CAMK2B: variants seen among roughly 807,000 people sequenced by gnomAD.
CAMK2B encodes calcium/calmodulin dependent protein kinase II beta, also known as calcium/calmodulin-dependent protein kinase type II subunit beta.
A neutral mutation model predicts 93.7 loss-of-function variants in CAMK2B; 27 were observed. The ratio of observed to expected loss-of-function variants is 0.29; its 90% CI spans 0.21 to 0.40. The LOEUF is 0.40. CAMK2B is among the 10% of genes least tolerant of loss of function. The pLI, the probability that CAMK2B is intolerant of heterozygous loss-of-function variation, is 1.00. For synonymous variants in CAMK2B, 374 were observed against 358.8 expected, an observed-to-expected ratio of 1.04 and a Z score of -0.48; for missense variants, 568 against 895.8, an observed-to-expected ratio of 0.63 and a Z score of 4.67.
At chr7:44,264,346 G>A (rs1316049396) in intron 2 of CAMK2B, among the ~76,000 whole-genome samples, 1 of 152,208 alleles carries the variant, frequency 6.6e-6, no homozygotes, top group Non-Finnish European at 1.5e-5. Flanking sequence ...CCCTGGAGCA[G>A]GTGTGGTGGT....
chr7:44,321,348 C>A (rs190961631), intron 1 of CAMK2B, among the ~76,000 whole-genome samples: 2 of 152,242 alleles, frequency 1.3e-5, no homozygotes, highest in African/African-American at 2.4e-5. Flanking sequence ...CGCTTGCTGG[C>A]GACTGGGGTA....
chr7:44,309,215 A>T (rs1011673727), intron 1 of CAMK2B, among the ~76,000 whole-genome samples: 7 of 152,192 alleles, frequency 4.6e-5, no homozygotes. Flanking sequence ...TCCTCCCTGC[A>T]GGGGGCTGGG....
At chr7:44,251,110 A>G (rs533163828) in intron 5 of CAMK2B, among the ~76,000 whole-genome samples, 1 of 152,306 alleles carries the variant, frequency 6.6e-6, no homozygotes, top group Admixed American at 6.5e-5. Context: ...CAGGCAGGGC[A>G]TTAGTACACT....
intron 2 of CAMK2B, among the ~76,000 whole-genome samples, chr7:44,280,466 T>C (rs189840566): frequency 2.0e-4 from 31 of 152,090 alleles, no homozygotes; most frequent in Non-Finnish European, 3.7e-4. Flanking sequence ...AGGCCCCTGA[T>C]AAGGAAGGGC....
intron 5 of CAMK2B, among the ~76,000 whole-genome samples, chr7:44,251,755 T>G (rs6969944): frequency 0.29 from 44,854 of 152,048 alleles, 7,701 homozygotes; most frequent in Non-Finnish European, 0.39. Flanking sequence ...ACACCAGGGG[T>G]GCCCTCCGCA....
In CAMK2B at chr7:44,234,631, A is replaced by G. The variant is rs1405617691; in HGVS notation, c.1059+8T>C. On this transcript the variant is annotated splice_region_variant and intron_variant, in intron 14 of 23. Coordinates refer to ENST00000395749, the MANE Select transcript of CAMK2B (RefSeq NM_001220.5). Reference sequence around the variant, plus strand: ...CCCCGGCACCACAGGGCCCGGCTGGAGCCTCACCTTGACTCCATCTGCTTT... The same window carrying G: ...CCCCGGCACCACAGGGCCCGGCTGGGGCCTCACCTTGACTCCATCTGCTTT... The G allele has an allele frequency of 6.2e-7, 1 of 1,613,982 alleles. No individual in the cohort carries two copies. Among genetic ancestry groups the G allele is most frequent in the East Asian group, 2.2e-5 (1 of 44,880 alleles).
chr7:44,287,494 G>A (rs1015658134), intron 1 of CAMK2B, among the ~76,000 whole-genome samples: 11 of 152,122 alleles, frequency 7.2e-5, no homozygotes, highest in African/African-American at 1.7e-4. Context: ...CTTGCCAGAC[G>A]GCAATCTGTC....
chr7:44,286,098 C>T lies in CAMK2B; in HGVS notation c.66-1873G>A, dbSNP rs111626259. ...TGGTCTGGCTTCAATCCTGGTTAGA[C>T]GGGGTGACACAGCTCTCTGAGCCTC... is the stretch of plus-strand genomic sequence containing the variant. On this transcript the variant is annotated intron_variant, in intron 1 of 23. Transcript: ENST00000395749. The surrounding 1 kb of genome is among the most constrained non-coding windows in gnomAD (Gnocchi z 4.0). Among the ~76,000 whole-genome samples, 7 of 152,106 alleles carry T rather than the reference C, an allele frequency of 4.6e-5. No homozygotes were observed. Among genetic ancestry groups the T allele is most frequent in the African/African-American group, 1.2e-4 (5 of 41,408 alleles).
At chr7:44,303,351 G>A (rs2129183806) in intron 1 of CAMK2B, among the ~76,000 whole-genome samples, 1 of 152,252 alleles carries the variant, frequency 6.6e-6, no homozygotes, top group African/African-American at 2.4e-5. Flanking sequence ...CACATTCAAT[G>A]CACTCACAAT....
At chr7:44,320,777 C>T (rs1795873073) in intron 1 of CAMK2B, among the ~76,000 whole-genome samples, 1 of 152,244 alleles carries the variant, frequency 6.6e-6, no homozygotes, top group Non-Finnish European at 1.5e-5. Context: ...TCTTGCTGGC[C>T]TCCTGGGAGC....
In CAMK2B at chr7:44,239,018, G is replaced by A. The variant is rs143407462; in HGVS notation, c.1021+571C>T. On this transcript the variant is annotated intron_variant, in intron 13 of 23. Transcript: ENST00000395749. ...GAGGCCAGGGGAGGAGGACTTTGCA[G>A]AAACAACCCAAGAGGAAGCCTTGAA... is the stretch of plus-strand genomic sequence containing the variant. Among the ~76,000 whole-genome samples, 448 of 152,336 alleles carry A rather than the reference G, an allele frequency of 2.9e-3. 2 individuals are homozygous for A. The highest frequency in any genetic ancestry group is 0.01 in the African/African-American group (430 of 41,588).
intron 2 of CAMK2B, among the ~76,000 whole-genome samples, chr7:44,269,963 T>C (rs535702164): frequency 2.0e-4 from 30 of 152,232 alleles, no homozygotes; most frequent in African/African-American, 6.7e-4. Flanking sequence ...GGGCCTCATC[T>C]GGAAGATGGC....
At chr7:44,233,764 C>G (rs1248999062) in intron 15 of CAMK2B, among the ~76,000 whole-genome samples, 1 of 152,190 alleles carries the variant, frequency 6.6e-6, no homozygotes, top group African/African-American at 2.4e-5. Flanking sequence ...CCTCCCCTCC[C>G]CGGCAGGGAG....
At chr7:44,220,759 G>T (rs747198368) in intron 21 of CAMK2B, 49 bp from the exon 22 acceptor site, 1 of 1,572,068 alleles carries the variant, frequency 6.4e-7, no homozygotes. Context: ...CCCTGACTCT[G>T]AGCAGGCCCC....
Position 44,307,257 on chromosome 7 carries a change from G to A in CAMK2B, c.65+18100C>T, listed in dbSNP as rs530899066. On this transcript the variant is annotated intron_variant, in intron 1 of 23. Transcript: ENST00000395749. Reference sequence around the variant, plus strand: ...AGGAGGGTGTGAGCAGAGGGAAGAGGGTGTGAGCAAGGGGAGGAGGGTGTG... The same window carrying A: ...AGGAGGGTGTGAGCAGAGGGAAGAGAGTGTGAGCAAGGGGAGGAGGGTGTG... Among the ~76,000 whole-genome samples, 9 of 143,796 alleles carry A rather than the reference G, an allele frequency of 6.3e-5. No individual in the cohort carries two copies. In the South Asian group the frequency reaches 2.1e-3, roughly 34 times the overall value. The allele number at this position is 143,796 out of a possible 152,430, so 94.3% of individuals were successfully genotyped here. A position where few individuals can be genotyped will look rare whatever the true frequency, so the allele number is the denominator to read the frequency against.
chr7:44,287,031 G>C (rs192541442), intron 1 of CAMK2B, among the ~76,000 whole-genome samples: 1 of 152,136 alleles, frequency 6.6e-6, no homozygotes, highest in Non-Finnish European at 1.5e-5. Flanking sequence ...CCTGCAGGTA[G>C]GGTGGAGGGC....
At chr7:44,255,615 C>T (rs1382001773) in intron 4 of CAMK2B, among the ~76,000 whole-genome samples, 1 of 152,210 alleles carries the variant, frequency 6.6e-6, no homozygotes, top group Non-Finnish European at 1.5e-5. Context: ...CTGCACTGCC[C>T]AGGTGCTGTG....
At chr7:44,241,614 C>A in intron 11 of CAMK2B, 86 bp downstream of exon 11, 1 of 1,053,130 alleles carries the variant, frequency 9.5e-7, no homozygotes. Flanking sequence ...CCTAGGTCTG[C>A]CCAGACCCCC....
chr7:44,232,915 A>C, intron 15 of CAMK2B, 49 bp from the exon 16 acceptor site: 1 of 1,561,420 alleles, frequency 6.4e-7, no homozygotes, highest in South Asian at 1.1e-5. Context: ...GAAAGTGAGA[A>C]GAGGAGGAAG....
Sources: allele counts gnomAD v4.1 joint callset (sites outside exome capture counted in the v4.1 genomes callset), GRCh38; gene constraint gnomAD v4.1.1; non-coding constraint Gnocchi (gnomAD v3.1); transcripts MANE v1.5; gene names NCBI Gene and HGNC (gene_info 2026-07-23, HGNC 2026-07-21).